The following GSK3B variants were observed in gnomAD, a reference collection of about 807,000 sequenced individuals.
GSK3B encodes glycogen synthase kinase 3 beta.
In GSK3B, 15 loss-of-function variants were observed where a neutral mutation model predicts 56.4. That is an observed-to-expected ratio of 0.27 (90% CI 0.18 to 0.41). The LOEUF (loss-of-function observed/expected upper bound fraction) is 0.41. Ranked by LOEUF, GSK3B falls within the 10% of genes least tolerant of loss-of-function variation. The pLI is 1.00. For synonymous variants in GSK3B, 181 were observed against 188.9 expected, an observed-to-expected ratio of 0.96 and a Z score of 0.34; for missense variants, 300 against 513.4, an observed-to-expected ratio of 0.58 and a Z score of 4.02.
chr3:119,882,738 A>AT (rs941608848), intron 7 of GSK3B, among the ~76,000 whole-genome samples: 9 of 152,100 alleles, frequency 5.9e-5, no homozygotes, highest in South Asian at 4.1e-4. Context: ...TTTAAAAAGT[A>AT]TTTTTTTTCT....
chr3:120,032,178 T>C (rs1007953396), intron 1 of GSK3B, among the ~76,000 whole-genome samples: 24 of 152,190 alleles, frequency 1.6e-4, no homozygotes, highest in African/African-American at 5.5e-4. Context: ...TAAAATATAT[T>C]ATTAAAATTA....
At chr3:119,990,746 T>C (rs1398811414) in intron 2 of GSK3B, among the ~76,000 whole-genome samples, 1 of 152,136 alleles carries the variant, frequency 6.6e-6, no homozygotes, top group East Asian at 1.9e-4. Context: ...CTGACCAACA[T>C]GGTGAAACCC....
chr3:119,863,999 T>C (rs886882467), intron 8 of GSK3B, among the ~76,000 whole-genome samples: 5 of 152,186 alleles, frequency 3.3e-5, no homozygotes, highest in Admixed American at 2.0e-4. Flanking sequence ...AGCCGAACAA[T>C]TGTTAATGAT....
Position 120,005,228 on chromosome 3 carries a change from A to G in GSK3B, c.89-2989T>C, listed in dbSNP as rs147941483. ...AAAGCGAGAAGACAAGATTAGAAAA[A>G]AAAGAGTGAAAAGAAATGAACAAAG... On this transcript the variant is annotated intron_variant, in intron 1 of 10. Coordinates refer to ENST00000264235, the MANE Select transcript of GSK3B (RefSeq NM_001146156.2). 6.3e-3 allele frequency among the ~76,000 whole-genome samples: 962 copies of G among 152,294 alleles called. 12 individuals carry two copies. Among genetic ancestry groups the G allele is most frequent in the African/African-American group, 0.02 (822 of 41,554 alleles).
intron 1 of GSK3B, among the ~76,000 whole-genome samples, chr3:120,025,643 T>C (rs566220673): frequency 1.1e-4 from 17 of 152,286 alleles, no homozygotes; most frequent in African/African-American, 3.4e-4. Flanking sequence ...AAAGGTACAA[T>C]GTATGCAAGA....
intron 4 of GSK3B, among the ~76,000 whole-genome samples, chr3:119,916,649 T>A (rs1339828935): frequency 6.6e-6 from 1 of 152,172 alleles, no homozygotes; most frequent in African/African-American, 2.4e-5. Context: ...GTGTGATCTT[T>A]AGAATATTCT....
intron 7 of GSK3B, among the ~76,000 whole-genome samples, chr3:119,891,739 C>G (rs866202569): frequency 6.6e-6 from 1 of 152,088 alleles, no homozygotes. Context: ...GCTTTATGCA[C>G]TCTTCTGTAA....
intron 2 of GSK3B, among the ~76,000 whole-genome samples, chr3:119,951,296 G>A (rs1298441334): frequency 2.6e-5 from 4 of 152,220 alleles, no homozygotes; most frequent in Non-Finnish European, 1.5e-5. Context: ...AAGTGGCAGG[G>A]TGCAGTGGCT....
intron 3 of GSK3B, 38 bp from the exon 4 acceptor site, chr3:119,923,521 G>C (rs761956798): frequency 4.3e-6 from 4 of 932,806 alleles, no homozygotes; most frequent in South Asian, 1.6e-5. Flanking sequence ...AAACAAAACA[G>C]ATTAGAAACT....
At chr3:120,041,647 T>G (rs1034561456) in intron 1 of GSK3B, 2 of 152,590 alleles carry the variant, frequency 1.3e-5, no homozygotes, top group African/African-American at 4.8e-5. Context: ...GGAGGTTTCT[T>G]AACAAGAGTT....
chr3:120,080,969 G>A (rs1559905314), intron 1 of GSK3B, among the ~76,000 whole-genome samples: 1 of 152,080 alleles, frequency 6.6e-6, no homozygotes. Flanking sequence ...AAGCTACTTG[G>A]TGAAAGGAAA....
intron 7 of GSK3B, among the ~76,000 whole-genome samples, chr3:119,882,040 T>C (rs1417362670): frequency 1.3e-5 from 2 of 152,164 alleles, no homozygotes; most frequent in African/African-American, 4.8e-5. Flanking sequence ...CTTTCCTTAT[T>C]AAATTATGCA....
chr3:120,004,826 A>G (rs2057711541), intron 1 of GSK3B, among the ~76,000 whole-genome samples: 1 of 152,206 alleles, frequency 6.6e-6, no homozygotes. Flanking sequence ...GAGAAACCAC[A>G]GCAGAAAGGT....
chr3:119,934,290 A>G (rs1301896503), intron 3 of GSK3B, among the ~76,000 whole-genome samples: 1 of 152,234 alleles, frequency 6.6e-6, no homozygotes, highest in African/African-American at 2.4e-5. Context: ...TGTCGACAGT[A>G]TATGTCCTTG....
chr3:120,046,137 G>T (rs1323242721), intron 1 of GSK3B, among the ~76,000 whole-genome samples: 2 of 152,130 alleles, frequency 1.3e-5, no homozygotes, highest in African/African-American at 4.8e-5. Flanking sequence ...ATAGGTGGAT[G>T]TTGGGATTCT....
At chr3:119,911,355 C>A (rs2056732817) in intron 6 of GSK3B, among the ~76,000 whole-genome samples, 1 of 152,176 alleles carries the variant, frequency 6.6e-6, no homozygotes, top group African/African-American at 2.4e-5. Context: ...ATTGTTGCTC[C>A]ATTTATGCAG....
intron 1 of GSK3B, among the ~76,000 whole-genome samples, chr3:120,069,585 A>G (rs2058309627): frequency 6.6e-6 from 1 of 151,862 alleles, no homozygotes; most frequent in Non-Finnish European, 1.5e-5. Flanking sequence ...ATATTTGAAC[A>G]TTTTATTAAA....
intron 1 of GSK3B, among the ~76,000 whole-genome samples, chr3:120,067,251 AAG>A (rs1457741397): frequency 6.6e-6 from 1 of 151,848 alleles, no homozygotes. Flanking sequence ...AAAAAAAAAA[AAG>A]AGAGGTAACT....
chr3:120,007,439 A>G (rs1235662533), intron 1 of GSK3B, among the ~76,000 whole-genome samples: 1 of 151,758 alleles, frequency 6.6e-6, no homozygotes, highest in African/African-American at 2.4e-5. Context: ...ATACCAAATG[A>G]TATCTGGCAG....
Sources: allele counts gnomAD v4.1 joint callset (sites outside exome capture counted in the v4.1 genomes callset), GRCh38; gene constraint gnomAD v4.1.1; transcripts MANE v1.5; gene names NCBI Gene and HGNC (gene_info 2026-07-23, HGNC 2026-07-21).